CRY2: variants seen among roughly 807,000 people sequenced by gnomAD.
CRY2 encodes the protein cryptochrome circadian regulator 2.
In CRY2, 31 loss-of-function variants were observed where a neutral mutation model predicts 69.5. The ratio of observed to expected loss-of-function variants is 0.45; its 90% CI spans 0.34 to 0.60. CRY2 has a LOEUF of 0.60. Ranked by LOEUF, CRY2 falls within the 20% of genes least tolerant of loss-of-function variation. The pLI is 0.02. For missense variants in CRY2, 606 were observed against 797.8 expected (o/e 0.76, Z 2.90); for synonymous variants, 303 against 312.2 (o/e 0.97, Z 0.31).
chr11:45,867,935 A>G lies in CRY2; in HGVS notation c.882+183A>G, dbSNP rs2086344642. The G allele has an allele frequency of 1.2e-5, 9 of 730,364 alleles. No homozygotes were observed. The South Asian group carries it at 1.8e-4, about 15-fold the overall frequency. The allele number at this position is 730,364 out of a possible 1,614,324, so 45.2% of individuals were successfully genotyped here. A position where few individuals can be genotyped will look rare whatever the true frequency, so the allele number is the denominator to read the frequency against. ...CTCAATATCCAAGAGGGCAGAGCCA[A>G]GCACAGAGTGAACTGCCCACCAGAA... On this transcript the variant is annotated intron_variant, in intron 6 of 11. Coordinates refer to ENST00000616080, the MANE Select transcript of CRY2 (RefSeq NM_021117.5).
Position 45,872,237 on chromosome 11 carries a change from A to ATGCCT in CRY2, c.*2+4_*2+5insTGCCT, listed in dbSNP as rs1348555492. 1.2e-6 allele frequency: 2 copies of ATGCCT among 1,613,590 alleles called. No individual in the cohort carries two copies. The highest frequency in any genetic ancestry group is 1.7e-4 in the Middle Eastern group (1 of 6,052). ...TGCCGAGCAAGGATGCCTGAGAGTG[A>ATGCCT]GTGACAGCAGCCTAGATTCAACCTC... On this transcript the variant is annotated splice_donor_region_variant and intron_variant, in intron 11 of 11. Coordinates refer to ENST00000616080, the MANE Select transcript of CRY2 (RefSeq NM_021117.5).
chr11:45,858,758 G>T lies in CRY2; in HGVS notation c.352G>T (p.Glu118Ter). 6.2e-7 allele frequency: 1 copy of T among 1,614,092 alleles called. No individual in the cohort carries two copies. Among genetic ancestry groups the T allele is most frequent in the South Asian group, 1.1e-5 (1 of 91,070 alleles). ...KEWGVTRLTF[E>*]YDSEPFGKER... ...ATGGGGAGTGACCCGCTTGACCTTT[G>T]AATATGACTCTGAACCCTTTGGGAA... The change falls in exon 3 of 12, where the codon GAA becomes TAA. Residue 118 changes from glutamate (E) to a stop codon, truncating the protein, a stop_gained. Coordinates refer to ENST00000616080, the MANE Select transcript of CRY2 (RefSeq NM_021117.5). LOFTEE classifies it high-confidence loss of function.
chr11:45,847,781 C>T, intron 1 of CRY2, 76 bp downstream of exon 1: 2 of 1,441,954 alleles, frequency 1.4e-6, no homozygotes, highest in Non-Finnish European at 9.2e-7. Context: ...ACAGCACGAT[C>T]CCCCCAACCC....
intron 4 of CRY2, 76 bp from the exon 5 acceptor site, chr11:45,861,984 A>C: frequency 1.6e-6 from 2 of 1,271,912 alleles, no homozygotes. Flanking sequence ...CATAAAGTTC[A>C]AATAACAGAA....
chr11:45,855,037 A>AGT (rs2086228725), intron 1 of CRY2, among the ~76,000 whole-genome samples: 2 of 152,218 alleles, frequency 1.3e-5, no homozygotes, highest in Non-Finnish European at 2.9e-5. Flanking sequence ...TTATCTGGTT[A>AGT]TAATGTTAAT....
At chr11:45,877,843 C>T (rs915372118) in intron 11 of CRY2, among the ~76,000 whole-genome samples, 5 of 152,178 alleles carry the variant, frequency 3.3e-5, no homozygotes, top group Non-Finnish European at 5.9e-5. Context: ...TCAAGCAGCT[C>T]GAGTAACTAG....
chr11:45,878,345 G>C (rs2086439932), intron 11 of CRY2, among the ~76,000 whole-genome samples: 1 of 152,158 alleles, frequency 6.6e-6, no homozygotes, highest in Admixed American at 6.5e-5. Context: ...CCCTGAAAAT[G>C]GATAAAACAC....
At chr11:45,860,599 T>A (rs1397737186) in intron 3 of CRY2, among the ~76,000 whole-genome samples, 1 of 151,990 alleles carries the variant, frequency 6.6e-6, no homozygotes, top group Non-Finnish European at 1.5e-5. Flanking sequence ...CGGAATTGAG[T>A]CCCAGCTCTG....
chr11:45,854,404 A>C (rs4756034), intron 1 of CRY2, among the ~76,000 whole-genome samples: 1 of 151,970 alleles, frequency 6.6e-6, no homozygotes, highest in Non-Finnish European at 1.5e-5. Flanking sequence ...GGGGCACAGA[A>C]CCCTCACGGT....
At chr11:45,856,790 C>T (rs1475835209) in intron 2 of CRY2, among the ~76,000 whole-genome samples, 6 of 148,336 alleles carry the variant, frequency 4.0e-5, no homozygotes, top group Non-Finnish European at 5.9e-5. Context: ...AGCGAGACTC[C>T]GTCTCAAAAA....
rs567326503 is a variant in CRY2, at chr11:45,872,345, G to T, written c.*2+112G>T. 60 of 997,960 alleles carry T rather than the reference G, an allele frequency of 6.0e-5. No homozygotes were observed. The East Asian group carries it at 1.5e-3, about 25-fold the overall frequency. The allele number at this position is 997,960 out of a possible 1,614,324, so 61.8% of individuals were successfully genotyped here. ...AGCAAACTAGATGAAAATCTGGTGG[G>T]ACCACCCAATGCTCAGCCACTAAAG... On this transcript the variant is annotated intron_variant, in intron 11 of 11. Transcript: ENST00000616080.
intron 3 of CRY2, among the ~76,000 whole-genome samples, chr11:45,859,853 G>A (rs961703219): frequency 1.3e-5 from 2 of 152,142 alleles, no homozygotes; most frequent in Non-Finnish European, 2.9e-5. Context: ...CCCAGTGCTG[G>A]CTGCCAAGAA....
rs146771658 is a variant in CRY2 at position 45,881,345 on chromosome 11, G to C, written c.*434G>C. 4.6e-4 allele frequency: 70 copies of C among 152,786 alleles called. No homozygotes were observed. Among genetic ancestry groups the C allele is most frequent in the African/African-American group, 1.6e-3 (67 of 41,590 alleles). The allele number at this position is 152,786 out of a possible 1,614,324, so 9.5% of individuals were successfully genotyped here. A position where few individuals can be genotyped will look rare whatever the true frequency, so the allele number is the denominator to read the frequency against. On this transcript the variant is annotated 3_prime_UTR_variant, in exon 12 of 12. Transcript: ENST00000616080. ...GAGCAGGAGCACAGCAGTTCTGGCT[G>C]TTGTCCAAAGCATGGGATTCTGGAG...
At chr11:45,861,175 C>A in intron 4 of CRY2, 143 bp downstream of exon 4, 1 of 844,296 alleles carries the variant, frequency 1.2e-6, no homozygotes, top group Non-Finnish European at 1.8e-6. Context: ...TATTACTCCA[C>A]CACCCAGAGG....
At chr11:45,875,198 C>T (rs2086415976) in intron 11 of CRY2, among the ~76,000 whole-genome samples, 1 of 152,148 alleles carries the variant, frequency 6.6e-6, no homozygotes, top group Non-Finnish European at 1.5e-5. Flanking sequence ...ATGGTGACTG[C>T]TTTATAGGCA....
intron 1 of CRY2, among the ~76,000 whole-genome samples, chr11:45,852,883 A>T (rs539975805): frequency 2.6e-5 from 4 of 152,204 alleles, no homozygotes; most frequent in African/African-American, 9.6e-5. Flanking sequence ...TCTGCATTTC[A>T]ACAGACTCCT....
At chr11:45,877,088 A>C (rs2086429895) in intron 11 of CRY2, among the ~76,000 whole-genome samples, 3 of 152,202 alleles carry the variant, frequency 2.0e-5, no homozygotes, top group Non-Finnish European at 2.9e-5. Context: ...GCACTTCATA[A>C]GTAGGCGTTG....
At chr11:45,871,688 T>C (rs1432422065) in intron 10 of CRY2, among the ~76,000 whole-genome samples, 2 of 152,184 alleles carry the variant, frequency 1.3e-5, no homozygotes, top group African/African-American at 4.8e-5. Context: ...AACACGGGTT[T>C]TTCTAGTTGG....
intron 1 of CRY2, among the ~76,000 whole-genome samples, chr11:45,853,648 CT>C (rs2086215569): frequency 6.6e-6 from 1 of 151,644 alleles, no homozygotes; most frequent in Admixed American, 6.6e-5. Context: ...ATGGAGGACC[CT>C]GTGTCCTGGG....
Sources: allele counts gnomAD v4.1 joint callset (sites outside exome capture counted in the v4.1 genomes callset), GRCh38; gene constraint gnomAD v4.1.1; transcripts MANE v1.5; gene names NCBI Gene and HGNC (gene_info 2026-07-23, HGNC 2026-07-21).